ADCY5: variants seen among roughly 807,000 people sequenced by gnomAD.
ADCY5 encodes the protein adenylate cyclase 5.
A neutral mutation model predicts 119.7 loss-of-function variants in ADCY5; 30 were observed. That is an observed-to-expected ratio of 0.25 (90% CI 0.19 to 0.34). The LOEUF (loss-of-function observed/expected upper bound fraction) is 0.34, where lower values mean the gene tolerates loss of function less well. Among genes scored for constraint, ADCY5 ranks in the 10% least tolerant of loss-of-function variants. The pLI is 1.00. For synonymous variants in ADCY5, 753 were observed against 762.2 expected, an observed-to-expected ratio of 0.99 and a Z score of 0.20; for missense variants, 1,324 against 1,775.2, an observed-to-expected ratio of 0.75 and a Z score of 4.57.
At chr3:123,366,203 C>T (rs1195730589) in intron 1 of ADCY5, among the ~76,000 whole-genome samples, 1 of 152,062 alleles carries the variant, frequency 6.6e-6, no homozygotes, top group Non-Finnish European at 1.5e-5. Flanking sequence ...ATATATGTGA[C>T]TCTCAATATA....
chr3:123,419,503 C>T (rs542002165), intron 1 of ADCY5, among the ~76,000 whole-genome samples: 7 of 152,278 alleles, frequency 4.6e-5, no homozygotes, highest in Admixed American at 2.6e-4. Context: ...CGACCGTGCA[C>T]TCCTGCCTGC....
chr3:123,353,902 C>T (rs1942945454), intron 1 of ADCY5, among the ~76,000 whole-genome samples: 1 of 152,086 alleles, frequency 6.6e-6, no homozygotes, highest in African/African-American at 2.4e-5. Flanking sequence ...GTGTGTGTGC[C>T]CCGGTCCATG....
intron 3 of ADCY5, among the ~76,000 whole-genome samples, chr3:123,344,630 C>T (rs1308831505): frequency 2.0e-5 from 3 of 152,162 alleles, no homozygotes; most frequent in East Asian, 1.9e-4. Context: ...TTAACCCCAG[C>T]GCCTAGGCCT....
chr3:123,306,963 A>G (rs1162763110), intron 12 of ADCY5, among the ~76,000 whole-genome samples: 2 of 152,224 alleles, frequency 1.3e-5, no homozygotes, highest in Non-Finnish European at 2.9e-5. Context: ...CTTGAAACTA[A>G]TATTTTAAGT....
intron 1 of ADCY5, among the ~76,000 whole-genome samples, chr3:123,370,749 C>T (rs1330499855): frequency 2.0e-5 from 3 of 152,192 alleles, no homozygotes; most frequent in African/African-American, 7.2e-5. Flanking sequence ...CACCTGCAAA[C>T]AGCAGAGGTT....
At chr3:123,406,381 C>G (rs1944901423) in intron 1 of ADCY5, among the ~76,000 whole-genome samples, 1 of 152,268 alleles carries the variant, frequency 6.6e-6, no homozygotes, top group Non-Finnish European at 1.5e-5. Context: ...ATGTGCCCTC[C>G]TCTTGGGAGC....
At chr3:123,427,731 G>A (rs1244309385) in intron 1 of ADCY5, among the ~76,000 whole-genome samples, 1 of 152,182 alleles carries the variant, frequency 6.6e-6, no homozygotes, top group African/African-American at 2.4e-5. Flanking sequence ...GACAATATCA[G>A]TGCTTACTTC....
chr3:123,419,167 G>A (rs1239197456), intron 1 of ADCY5: 13 of 985,308 alleles, frequency 1.3e-5, no homozygotes, highest in East Asian at 1.1e-4. Context: ...AGAGAGCACC[G>A]CATCCCCTCC....
At chr3:123,432,934 GC>G (rs1945549021) in intron 1 of ADCY5, among the ~76,000 whole-genome samples, 1 of 152,164 alleles carries the variant, frequency 6.6e-6, no homozygotes. Context: ...ACCCCTTCCT[GC>G]CAAAGTCAGA....
chr3:123,345,632 G>A (rs966579247), intron 3 of ADCY5, among the ~76,000 whole-genome samples: 7 of 152,048 alleles, frequency 4.6e-5, no homozygotes, highest in Admixed American at 1.3e-4. Context: ...GTTCTAATAG[G>A]GAAGTCTGTT....
At chr3:123,308,325 C>T (rs1940325498) in intron 12 of ADCY5, among the ~76,000 whole-genome samples, 1 of 151,854 alleles carries the variant, frequency 6.6e-6, no homozygotes, top group African/African-American at 2.4e-5. Context: ...GCGTGAGCCA[C>T]TGCACCCGGC....
intron 3 of ADCY5, among the ~76,000 whole-genome samples, chr3:123,347,294 G>A (rs1413953344): frequency 2.0e-5 from 3 of 152,118 alleles, no homozygotes; most frequent in Non-Finnish European, 4.4e-5. Flanking sequence ...TATCAACCGG[G>A]TGTGTTGATA....
intron 1 of ADCY5, among the ~76,000 whole-genome samples, chr3:123,393,163 G>C (rs1163775374): frequency 2.0e-5 from 3 of 152,302 alleles, no homozygotes; most frequent in Admixed American, 2.0e-4. Flanking sequence ...CCGGGGTCGA[G>C]AGTGAGGCAG....
Position 123,371,894 on chromosome 3 carries a change from G to A in ADCY5, c.1135-19313C>T, listed in dbSNP as rs373973229. ...GGGCTGCTCCTAAGCCAGATTTGGG[G>A]CAGGGGAGAGGGGAGTGAGGGGATT... On this transcript the variant is annotated intron_variant, in intron 1 of 20. Transcript: ENST00000462833. 5.3e-5 allele frequency among the ~76,000 whole-genome samples: 8 copies of A among 152,344 alleles called. No individual in the cohort carries two copies. The South Asian group carries it at 1.4e-3, about 28-fold the overall frequency.
intron 19 of ADCY5, among the ~76,000 whole-genome samples, chr3:123,288,971 T>C (rs1177411425): frequency 6.6e-6 from 1 of 152,180 alleles, no homozygotes; most frequent in African/African-American, 2.4e-5. Flanking sequence ...TTTCCCCAGT[T>C]TGGATGAGCA....
Position 123,438,217 on chromosome 3 carries a change from G to A in ADCY5, c.1134+9195C>T, listed in dbSNP as rs181494764. Among the ~76,000 whole-genome samples the A allele has an allele frequency of 2.9e-3, 437 of 152,298 alleles. 2 individuals are homozygous for A. The highest frequency in any genetic ancestry group is 0.01 in the African/African-American group (424 of 41,556). On this transcript the variant is annotated intron_variant, in intron 1 of 20. Coordinates refer to ENST00000462833, the MANE Select transcript of ADCY5 (RefSeq NM_183357.3). Reference sequence around the variant, plus strand: ...GTAGGTTCCTTCGGAAAATGGTGCTGGAGTCAAATGTGTTTGAAAAAGGCT... The same window carrying A: ...GTAGGTTCCTTCGGAAAATGGTGCTAGAGTCAAATGTGTTTGAAAAAGGCT...
chr3:123,393,739 C>A (rs977644819), intron 1 of ADCY5, among the ~76,000 whole-genome samples: 4 of 152,104 alleles, frequency 2.6e-5, no homozygotes, highest in African/African-American at 9.7e-5. Flanking sequence ...GACTCCCCTG[C>A]ACCCTGCCTC....
intron 17 of ADCY5, among the ~76,000 whole-genome samples, chr3:123,295,285 T>G (rs142928442): frequency 1.3e-5 from 2 of 152,124 alleles, no homozygotes; most frequent in Non-Finnish European, 2.9e-5. Flanking sequence ...GGTCTAGAGA[T>G]AGGGGCCGGG....
intron 12 of ADCY5, among the ~76,000 whole-genome samples, chr3:123,310,896 A>C (rs1940533833): frequency 6.6e-6 from 1 of 152,176 alleles, no homozygotes; most frequent in African/African-American, 2.4e-5. Context: ...CTGTGTCTGG[A>C]AAAGACTGAA....
Sources: allele counts gnomAD v4.1 joint callset (sites outside exome capture counted in the v4.1 genomes callset), GRCh38; gene constraint gnomAD v4.1.1; transcripts MANE v1.5; gene names NCBI Gene and HGNC (gene_info 2026-07-23, HGNC 2026-07-21).